Variants in THADA observed in about 807,000 individuals in gnomAD.
The protein encoded by THADA is THADA armadillo repeat containing.
Under a neutral mutation model 219.8 loss-of-function variants are expected in THADA, and 213 were observed. The observed-to-expected ratio is 0.97, with a 90% CI of 0.87 to 1.09. The LOEUF (loss-of-function observed/expected upper bound fraction) is 1.09, where lower values mean the gene tolerates loss of function less well. Among genes scored for constraint, THADA ranks in the 50% least tolerant of loss-of-function variants. The pLI is 0.00. For missense variants in THADA, 2,956 were observed against 2,311.3 expected, an observed-to-expected ratio of 1.28 and a Z score of -5.72; for synonymous variants, 1,018 against 828.9, an observed-to-expected ratio of 1.23 and a Z score of -3.92.
At chr2:43,384,641 A>G (rs933223233) in intron 29 of THADA, among the ~76,000 whole-genome samples, 4 of 152,150 alleles carry the variant, frequency 2.6e-5, no homozygotes, top group East Asian at 1.9e-4. Context: ...TTTTCTCTCA[A>G]TCTGATCAAT....
At position 43,438,159 on chromosome 2, in the gene THADA, G is replaced by A. The variant is rs112589401; in HGVS notation, c.3837-7857C>T. On this transcript the variant is annotated intron_variant, in intron 26 of 37. Transcript: ENST00000405975. ...TACTAAAAATTAAAAAAAATTAGCC[G>A]GGCAAGGTGGCGGGCGCCTGTAGTC... 6.0e-3 allele frequency among the ~76,000 whole-genome samples: 910 copies of A among 151,928 alleles called. 3 individuals are homozygous for A. The highest frequency in any genetic ancestry group is 0.019 in the African/African-American group (789 of 41,422).
chr2:43,414,131 A>C (rs956485280), intron 28 of THADA, among the ~76,000 whole-genome samples: 1 of 152,184 alleles, frequency 6.6e-6, no homozygotes, highest in African/African-American at 2.4e-5. Flanking sequence ...TTTGATCTAC[A>C]GTTGGTTGAA....
rs1701077927 is a variant in THADA at position 43,586,839 on chromosome 2, A to G, written c.451+15T>C. On this transcript the variant is annotated intron_variant, in intron 5 of 37. Transcript: ENST00000405975. ...GGGGTTAGCCAGAAAAAGGACTAGA[A>G]AAGTGCAGCCTTACCCAAGTTAAAG... 6.2e-7 allele frequency: 1 copy of G among 1,612,562 alleles called. No individual in the cohort carries two copies. Among genetic ancestry groups the G allele is most frequent in the Non-Finnish European group, 8.5e-7 (1 of 1,179,420 alleles).
chr2:43,578,413 T>C (rs1700079656), intron 9 of THADA, 100 bp downstream of exon 9: 9 of 792,748 alleles, frequency 1.1e-5, no homozygotes, highest in African/African-American at 3.6e-5. Flanking sequence ...TCCCAAAGTG[T>C]TGGGATTATA....
At chr2:43,397,347 T>C (rs1674192341) in intron 29 of THADA, among the ~76,000 whole-genome samples, 1 of 152,210 alleles carries the variant, frequency 6.6e-6, no homozygotes, top group South Asian at 2.1e-4. Flanking sequence ...CTACCTGTCC[T>C]CAAGTTAGGG....
At chr2:43,407,511 AT>A (rs1198819971) in intron 28 of THADA, among the ~76,000 whole-genome samples, 3 of 152,112 alleles carry the variant, frequency 2.0e-5, no homozygotes, top group Non-Finnish European at 2.9e-5. Flanking sequence ...TGCTGAGTAA[AT>A]TTTTCTTTGA....
chr2:43,499,464 C>T (rs994955530), intron 24 of THADA, among the ~76,000 whole-genome samples: 4 of 152,186 alleles, frequency 2.6e-5, no homozygotes, highest in South Asian at 2.1e-4. Context: ...ACAACCTCCA[C>T]CTCCCAGGTT....
At chr2:43,556,717 G>A (rs1229846890) in intron 16 of THADA, among the ~76,000 whole-genome samples, 162 bp from the exon 17 acceptor site, 1 of 151,964 alleles carries the variant, frequency 6.6e-6, no homozygotes, top group Non-Finnish European at 1.5e-5. Context: ...TTGAGGCCAG[G>A]AGCTCAAGAT....
At chr2:43,288,491 T>C (rs1674313365) in intron 34 of THADA, among the ~76,000 whole-genome samples, 2 of 152,182 alleles carry the variant, frequency 1.3e-5, no homozygotes, top group African/African-American at 2.4e-5. Context: ...TTTAGAAAAC[T>C]AGATTCTCAG....
At chr2:43,265,302 T>C (rs972684506) in intron 36 of THADA, among the ~76,000 whole-genome samples, 2 of 152,208 alleles carry the variant, frequency 1.3e-5, no homozygotes. Context: ...TGAGTGTATA[T>C]TTTAAAACCA....
intron 15 of THADA, chr2:43,566,472 A>AT (rs1355807266): frequency 5.6e-6 from 4 of 720,134 alleles, no homozygotes; most frequent in Non-Finnish European, 1.0e-5. Context: ...ATCCATGAAA[A>AT]TTATACTTTG....
chr2:43,411,126 T>G (rs1300590951), intron 28 of THADA, among the ~76,000 whole-genome samples: 1 of 152,174 alleles, frequency 6.6e-6, no homozygotes, highest in Non-Finnish European at 1.5e-5. Context: ...CAAAAAAATT[T>G]TTTTGGACAA....
chr2:43,236,997 G>A (rs1184720647), intron 36 of THADA, among the ~76,000 whole-genome samples: 30 of 150,920 alleles, frequency 2.0e-4, no homozygotes, highest in Middle Eastern at 3.4e-3. Flanking sequence ...GCGTGAACCC[G>A]GGAGGCGGAG....
rs377064386 is a variant in THADA, at chr2:43,251,843, T to G, written c.5297-18961A>C. ...TCAGGGAATAGTTTTTCTCAAAAGC[T>G]CTTATGAAAAAATAGTTCCCCTCAA... On this transcript the variant is annotated intron_variant, in intron 36 of 37. Coordinates refer to ENST00000405975, the MANE Select transcript of THADA (RefSeq NM_022065.5). Among the ~76,000 whole-genome samples, 14 of 152,188 alleles carry G rather than the reference T, an allele frequency of 9.2e-5. No homozygotes were observed. In the East Asian group the frequency reaches 9.6e-4, roughly 10 times the overall value.
At chr2:43,445,706 T>C (rs757144278) in intron 26 of THADA, among the ~76,000 whole-genome samples, 6 of 152,240 alleles carry the variant, frequency 3.9e-5, no homozygotes, top group Non-Finnish European at 7.3e-5. Context: ...AGAGTCTTGC[T>C]CTGTCACCCA....
At chr2:43,312,046 T>C (rs563601142) in intron 31 of THADA, among the ~76,000 whole-genome samples, 3 of 151,656 alleles carry the variant, frequency 2.0e-5, no homozygotes, top group Non-Finnish European at 4.4e-5. Flanking sequence ...AAATAAAAAA[T>C]TAAAAACAAA....
intron 28 of THADA, among the ~76,000 whole-genome samples, chr2:43,421,657 G>C (rs943237780): frequency 6.6e-6 from 1 of 152,158 alleles, no homozygotes; most frequent in Non-Finnish European, 1.5e-5. Flanking sequence ...TGTGGCTTAA[G>C]CCAACATCTG....
At chr2:43,262,432 A>G (rs1334267463) in intron 36 of THADA, among the ~76,000 whole-genome samples, 1 of 143,204 alleles carries the variant, frequency 7.0e-6, no homozygotes, top group East Asian at 1.9e-4. Flanking sequence ...AGAAAGACAG[A>G]AGAAGCATGG....
chr2:43,580,619 A>C (rs561059515), intron 8 of THADA, among the ~76,000 whole-genome samples: 2 of 152,022 alleles, frequency 1.3e-5, no homozygotes, highest in African/African-American at 4.8e-5. Context: ...GGTGGCTCAC[A>C]CCTGAGCCAC....
Sources: allele counts gnomAD v4.1 joint callset (sites outside exome capture counted in the v4.1 genomes callset), GRCh38; gene constraint gnomAD v4.1.1; transcripts MANE v1.5; gene names NCBI Gene and HGNC (gene_info 2026-07-23, HGNC 2026-07-21).